ST13: variants seen among roughly 807,000 people sequenced by gnomAD.
ST13 encodes hsc70-interacting protein.
Under a neutral mutation model 56.7 loss-of-function variants are expected in ST13, and 23 were observed. That is an observed-to-expected ratio of 0.41 (90% CI 0.29 to 0.57). The LOEUF (loss-of-function observed/expected upper bound fraction) is 0.57, where lower values mean the gene tolerates loss of function less well. Among genes scored for constraint, ST13 ranks in the 20% least tolerant of loss-of-function variants. The pLI is 0.36. For missense variants in ST13, 369 were observed against 459.9 expected, an observed-to-expected ratio of 0.80 and a Z score of 1.81; for synonymous variants, 132 against 142.4, an observed-to-expected ratio of 0.93 and a Z score of 0.52.
At chr22:40,847,324 A>C (rs1013054279) in intron 3 of ST13, among the ~76,000 whole-genome samples, 8 of 151,834 alleles carry the variant, frequency 5.3e-5, no homozygotes, top group African/African-American at 1.9e-4. Context: ...ACCTGAGATC[A>C]GGAGTTCAAG....
intron 4 of ST13, among the ~76,000 whole-genome samples, chr22:40,844,016 G>A (rs2057818331): frequency 6.6e-6 from 1 of 151,982 alleles, no homozygotes; most frequent in African/African-American, 2.4e-5. Context: ...CCAAGTAGCT[G>A]GGATTACAGG....
At chr22:40,828,286 A>T (rs1311697038) in intron 10 of ST13, among the ~76,000 whole-genome samples, 1 of 152,120 alleles carries the variant, frequency 6.6e-6, no homozygotes, top group Non-Finnish European at 1.5e-5. Context: ...TCTACTGGAG[A>T]TATTCTAAAA....
At chr22:40,848,158 G>T in intron 3 of ST13, 136 bp downstream of exon 3, 1 of 583,608 alleles carries the variant, frequency 1.7e-6, no homozygotes, top group Non-Finnish European at 3.1e-6. Flanking sequence ...TCTAAAATGT[G>T]ACTACTAGAA....
chr22:40,849,344 G>A (rs1031159281), intron 2 of ST13, among the ~76,000 whole-genome samples: 1 of 151,942 alleles, frequency 6.6e-6, no homozygotes, highest in Non-Finnish European at 1.5e-5. Context: ...CGGACGTGGT[G>A]GTGGGCACCT....
Position 40,830,835 on chromosome 22 carries a change from T to C in ST13, c.798+5A>G. Reference sequence around the variant, plus strand: ...CCTTTCATGGCTTAGCTATAGGAAATTTACCCTCTGGGCTCTCTCATGCTC... The same window carrying C: ...CCTTTCATGGCTTAGCTATAGGAAACTTACCCTCTGGGCTCTCTCATGCTC... On this transcript the variant is annotated splice_donor_5th_base_variant and intron_variant, in intron 9 of 11. Transcript: ENST00000216218. 6.3e-7 allele frequency: 1 copy of C among 1,589,838 alleles called. No homozygotes were observed. The highest frequency in any genetic ancestry group is 8.6e-7 in the Non-Finnish European group (1 of 1,166,490).
chr22:40,856,140 C>T (rs1406279632), intron 1 of ST13, among the ~76,000 whole-genome samples: 1 of 152,178 alleles, frequency 6.6e-6, no homozygotes, highest in African/African-American at 2.4e-5. Context: ...AGTTTTCACT[C>T]CTCGCGTCTC....
chr22:40,834,481 C>T (rs188726487), intron 7 of ST13, among the ~76,000 whole-genome samples: 17 of 152,190 alleles, frequency 1.1e-4, no homozygotes, highest in African/African-American at 3.6e-4. Context: ...TAAAACAAAA[C>T]ATTTAATGTT....
intron 8 of ST13, among the ~76,000 whole-genome samples, chr22:40,831,860 CTTT>C (rs902146666): frequency 5.3e-5 from 8 of 152,102 alleles, no homozygotes; most frequent in South Asian, 2.1e-4. Flanking sequence ...ATTGAAACTT[CTTT>C]GTTTTATTAA....
At chr22:40,853,176 A>G (rs970318320) in intron 1 of ST13, among the ~76,000 whole-genome samples, 4 of 152,170 alleles carry the variant, frequency 2.6e-5, no homozygotes, top group Admixed American at 2.0e-4. Flanking sequence ...AGATAGCATA[A>G]ATGCATCAGC....
chr22:40,844,067 G>C (rs2057818730), intron 4 of ST13, among the ~76,000 whole-genome samples: 2 of 152,012 alleles, frequency 1.3e-5, no homozygotes, highest in South Asian at 4.1e-4. Flanking sequence ...ATTATTAGTA[G>C]AGACGGGGTT....
Position 40,826,349 on chromosome 22 carries a change from A to G in ST13, c.*189T>C. ...TAGTAGGAAAACATTATCTGAATGA[A>G]TACCCTAATGGCAAACCACTGTAAA... On this transcript the variant is annotated 3_prime_UTR_variant, in exon 12 of 12. Transcript: ENST00000216218. The G allele has an allele frequency of 2.4e-6, 1 of 422,736 alleles. No individual in the cohort carries two copies. The highest frequency in any genetic ancestry group is 3.5e-5 in the East Asian group (1 of 28,806). 26.2% of individuals were successfully genotyped at this position (422,736 alleles called of 1,614,324 possible).
chr22:40,837,536 C>T (rs564706652), intron 5 of ST13, among the ~76,000 whole-genome samples: 5 of 152,276 alleles, frequency 3.3e-5, no homozygotes, highest in East Asian at 1.9e-4. Flanking sequence ...ATCCCAGCTA[C>T]TCAGGAATCT....
At chr22:40,842,182 G>T (rs1173781160) in intron 4 of ST13, among the ~76,000 whole-genome samples, 1 of 152,034 alleles carries the variant, frequency 6.6e-6, no homozygotes, top group Non-Finnish European at 1.5e-5. Flanking sequence ...ACTTTCAAGG[G>T]GTCCTTGAGT....
intron 2 of ST13, 136 bp from the exon 3 acceptor site, chr22:40,848,505 G>C (rs2057844549): frequency 1.5e-6 from 1 of 659,146 alleles, no homozygotes. Flanking sequence ...CCAGCACTTT[G>C]GGAGGCTGGG....
rs772840232 is a variant in ST13 at position 40,835,673 on chromosome 22, G to A, written c.468-3C>T. The A allele has an allele frequency of 5.6e-6, 9 of 1,610,730 alleles. No homozygotes were observed. The African/African-American group carries it at 8.0e-5, about 14-fold the overall frequency. ...GCTTCTGTAATTTGACGAAGACACT[G>A]AAAAATAAGTGTGTTATTAAAAAGT... On this transcript the variant is annotated splice_region_variant and splice_polypyrimidine_tract_variant and intron_variant, in intron 6 of 11. Transcript: ENST00000216218.
intron 5 of ST13, 176 bp from the exon 6 acceptor site, chr22:40,836,063 C>G (rs2057775802): frequency 1.8e-6 from 1 of 543,846 alleles, no homozygotes; most frequent in Admixed American, 3.4e-5. Flanking sequence ...CACACCTATA[C>G]TGTAACTCAC....
intron 10 of ST13, among the ~76,000 whole-genome samples, chr22:40,827,549 C>A (rs1189493009): frequency 2.0e-5 from 3 of 152,202 alleles, no homozygotes; most frequent in South Asian, 2.1e-4. Flanking sequence ...GCCATCTTGG[C>A]TGACTGCCAC....
intron 7 of ST13, among the ~76,000 whole-genome samples, chr22:40,834,376 AAC>A (rs1438367767): frequency 6.6e-6 from 1 of 152,202 alleles, no homozygotes; most frequent in Non-Finnish European, 1.5e-5. Context: ...GTAATTCTGA[AAC>A]AGTTTTATGT....
intron 2 of ST13, among the ~76,000 whole-genome samples, chr22:40,850,011 C>G (rs900557904): frequency 1.3e-5 from 2 of 151,602 alleles, no homozygotes; most frequent in Non-Finnish European, 2.9e-5. Context: ...ACGCCTTAGT[C>G]CCAGCACCTT....
Sources: allele counts gnomAD v4.1 joint callset (sites outside exome capture counted in the v4.1 genomes callset), GRCh38; gene constraint gnomAD v4.1.1; transcripts MANE v1.5; gene names NCBI Gene and HGNC (gene_info 2026-07-23, HGNC 2026-07-21).